Variants in AARS1 observed in about 807,000 individuals in gnomAD.
AARS1 encodes the protein alanyl-tRNA synthetase 1.
Under a neutral mutation model 108.9 loss-of-function variants are expected in AARS1, and 72 were observed. The ratio of observed to expected loss-of-function variants is 0.66; its 90% CI spans 0.55 to 0.80. The LOEUF is 0.80. AARS1 is among the 30% of genes least tolerant of loss of function. AARS1 has a pLI of 0.00. For synonymous variants in AARS1, 489 were observed against 465.7 expected (o/e 1.05, Z -0.64); for missense variants, 1,193 against 1,233.2 (o/e 0.97, Z 0.49).
intron 11 of AARS1, 119 bp downstream of exon 11, chr16:70,264,839 G>A (rs963977521): frequency 1.4e-5 from 18 of 1,275,984 alleles, no homozygotes; most frequent in Middle Eastern, 1.8e-4. Flanking sequence ...GTGACTGTAC[G>A]GCACTCCAGG....
At chr16:70,273,863 CAAAAAAAAAAAAAAAA>C (rs71385651) in intron 4 of AARS1, among the ~76,000 whole-genome samples, 28 of 54,266 alleles carry the variant, frequency 5.2e-4, no homozygotes, top group Non-Finnish European at 1.9e-4. Flanking sequence ...ACTCCGTCTC[CAAAAAAAAAAAAAAAA>C]AAAAAAAAAT....
rs1959897927 is a variant in AARS1, at chr16:70,253,489, A to G, written c.2608-108T>C. On this transcript the variant is annotated intron_variant, in intron 19 of 20. Transcript: ENST00000261772. ...GCCACCCACCCCTACCCCTTCCCAG[A>G]GCAGGGGCTGTGCCCAGGGCCTGTG... The G allele has an allele frequency of 1.4e-5, 15 of 1,095,168 alleles. No individual in the cohort carries two copies. The East Asian group carries it at 3.5e-4, about 26-fold the overall frequency. 67.8% of individuals were successfully genotyped at this position (1,095,168 alleles called of 1,614,324 possible).
At position 70,252,571 on chromosome 16, in the gene AARS1, A is replaced by T. The variant is rs1959866806; in HGVS notation, c.*150T>A. The T allele has an allele frequency of 4.8e-6, 4 of 824,824 alleles. No homozygotes were observed. The highest frequency in any genetic ancestry group is 7.9e-6 in the Non-Finnish European group (4 of 507,910). 51.1% of individuals were successfully genotyped at this position (824,824 alleles called of 1,614,324 possible). On this transcript the variant is annotated 3_prime_UTR_variant, in exon 21 of 21. Transcript: ENST00000261772. ...GGCTCAGGGCAGAAATTTAAGGGGCACTGAGACATAGGACTGCTCCCAAGT... is the reference window on the plus strand; with the variant it reads ...GGCTCAGGGCAGAAATTTAAGGGGCTCTGAGACATAGGACTGCTCCCAAGT...
chr16:70,264,247 G>GA (rs990942510), intron 11 of AARS1, among the ~76,000 whole-genome samples: 15 of 146,290 alleles, frequency 1.0e-4, no homozygotes, highest in African/African-American at 3.2e-4. Context: ...TTCCATCTCA[G>GA]AAAAAAAAAA....
intron 11 of AARS1, among the ~76,000 whole-genome samples, chr16:70,263,367 T>C (rs1305004386): frequency 6.6e-6 from 1 of 152,000 alleles, no homozygotes; most frequent in African/African-American, 2.4e-5. Flanking sequence ...AGCTCAGCAG[T>C]TTGAGACCAG....
At chr16:70,254,793 G>T in intron 16 of AARS1, 59 bp from the exon 17 acceptor site, 1 of 1,190,268 alleles carries the variant, frequency 8.4e-7, no homozygotes, top group Non-Finnish European at 1.3e-6. Flanking sequence ...TCACTATCCT[G>T]TGTCTGAGCA....
chr16:70,261,028 C>T lies in AARS1; in HGVS notation c.1785+16G>A. 1 of 1,591,848 alleles carries T rather than the reference C, an allele frequency of 6.3e-7. No homozygotes were observed. Among genetic ancestry groups the T allele is most frequent in the Non-Finnish European group, 8.6e-7 (1 of 1,160,170 alleles). ...TACTAACCAGATCCAATGGGGGCCA[C>T]AGTAACCCAACTCACCTCATCAATA... On this transcript the variant is annotated intron_variant, in intron 13 of 20. Transcript: ENST00000261772.
rs777219686 is a variant in AARS1, at chr16:70,258,166, G to T, written c.2044C>A (p.Leu682Ile). The T allele has an allele frequency of 6.2e-7, 1 of 1,608,756 alleles. No individual in the cohort carries two copies. The highest frequency in any genetic ancestry group is 8.5e-7 in the Non-Finnish European group (1 of 1,177,432). ...TAGGTCTCATCAAACACAGCCCGTA[G>T]GCCCTGGATGGCTTTCGCTGCTGCC... ...PLAAAKAIQG[L>I]RAVFDETYPD... Residue 682 changes from leucine (L) to isoleucine (I), a missense_variant, in exon 15 of 21, where the codon CTA becomes ATA. By Grantham distance (5) the Leu-to-Ile change is conservative. Coordinates refer to ENST00000261772, the MANE Select transcript of AARS1 (RefSeq NM_001605.3).
At chr16:70,266,986 G>T (rs564930760) in intron 9 of AARS1, among the ~76,000 whole-genome samples, 17 of 152,196 alleles carry the variant, frequency 1.1e-4, no homozygotes, top group African/African-American at 1.9e-4. Context: ...ACAGGCGCAT[G>T]CCACCACACC....
At chr16:70,253,208 C>T in intron 20 of AARS1, 60 bp downstream of exon 20, 1 of 1,385,492 alleles carries the variant, frequency 7.2e-7, no homozygotes, top group Non-Finnish European at 1.0e-6. Context: ...TGTACACACA[C>T]AGGCCTCAGC....
chr16:70,285,571 CCT>C (rs773021457), intron 1 of AARS1, among the ~76,000 whole-genome samples: 1 of 152,150 alleles, frequency 6.6e-6, no homozygotes, highest in Non-Finnish European at 1.5e-5. Flanking sequence ...GCCTCAGCCT[CCT>C]GGGTAACCTG....
intron 1 of AARS1, among the ~76,000 whole-genome samples, chr16:70,286,875 G>C (rs568184626): frequency 1.1e-4 from 16 of 152,064 alleles, no homozygotes; most frequent in South Asian, 8.3e-4. Flanking sequence ...CAGCACTTTG[G>C]GGGGCCGAGG....
intron 2 of AARS1, among the ~76,000 whole-genome samples, chr16:70,277,899 C>T (rs538944048): frequency 1.1e-4 from 17 of 152,012 alleles, no homozygotes; most frequent in African/African-American, 2.4e-4. Context: ...ATTACAGGCA[C>T]GTACAGGTAC....
Position 70,254,747 on chromosome 16 carries a change from A to C in AARS1, c.2287-13T>G, listed in dbSNP as rs553083906. On this transcript the variant is annotated splice_polypyrimidine_tract_variant and intron_variant, in intron 16 of 20. Coordinates refer to ENST00000261772, the MANE Select transcript of AARS1 (RefSeq NM_001605.3). Reference sequence around the variant, plus strand: ...CTTTCCTGAGGGCCTGGGAGGGGACACCGGGTCAACCCCAAGCAGGAGGTC... The same window carrying C: ...CTTTCCTGAGGGCCTGGGAGGGGACCCCGGGTCAACCCCAAGCAGGAGGTC... The C allele has an allele frequency of 1.2e-4, 191 of 1,553,834 alleles. No individual in the cohort carries two copies. In the South Asian group the frequency reaches 2.0e-3, roughly 16 times the overall value.
chr16:70,268,244 G>T (rs748915867), intron 8 of AARS1, 27 bp downstream of exon 8: 21 of 1,592,980 alleles, frequency 1.3e-5, no homozygotes, highest in Non-Finnish European at 1.8e-5. Flanking sequence ...CTTTAGCACA[G>T]AAGGGTAAGC....
chr16:70,261,088 C>G lies in AARS1; in HGVS notation c.1741G>C (p.Gly581Arg). Reference sequence around the variant, plus strand: ...ACCTGATCCCCCACTTTCAGGTCACCGTAGATGGTTCCAATGTGTAGCACA... The same window carrying G: ...ACCTGATCCCCCACTTTCAGGTCACGGTAGATGGTTCCAATGTGTAGCACA... The part of the protein sequence containing the change: ...GYVLHIGTIY[G>R]DLKVGDQVWL... The change falls in exon 13 of 21, where the codon GGT (glycine) becomes CGT (arginine). Residue 581 changes from glycine (G) to arginine (R), a missense_variant. Transcript: ENST00000261772. The G allele has an allele frequency of 6.2e-7, 1 of 1,613,788 alleles. No homozygotes were observed. Among genetic ancestry groups the G allele is most frequent in the Non-Finnish European group, 8.5e-7 (1 of 1,179,846 alleles).
chr16:70,280,455 C>T (rs550353387), intron 2 of AARS1, among the ~76,000 whole-genome samples: 27 of 152,244 alleles, frequency 1.8e-4, no homozygotes, highest in Middle Eastern at 3.4e-3. Flanking sequence ...TAATTACAGG[C>T]GCACTGTGCC....
intron 6 of AARS1, 84 bp from the exon 7 acceptor site, chr16:70,269,847 G>T (rs1002607173): frequency 1.9e-6 from 3 of 1,559,214 alleles, no homozygotes. Flanking sequence ...GGAGGATTGA[G>T]GAGCATTAGC....
chr16:70,263,003 A>C (rs1453502898), intron 11 of AARS1, among the ~76,000 whole-genome samples: 1 of 148,046 alleles, frequency 6.8e-6, no homozygotes, highest in Non-Finnish European at 1.5e-5. Flanking sequence ...AAAAAACAAC[A>C]ACAACAAAGG....
Sources: allele counts gnomAD v4.1 joint callset (sites outside exome capture counted in the v4.1 genomes callset), GRCh38; gene constraint gnomAD v4.1.1; transcripts MANE v1.5; gene names NCBI Gene and HGNC (gene_info 2026-07-23, HGNC 2026-07-21).